SH3PXD2A: variants seen among roughly 807,000 people sequenced by gnomAD.
SH3PXD2A encodes the protein SH3 and PX domains 2A, also known as SH3 and PX domain-containing protein 2A.
A neutral mutation model predicts 115.2 loss-of-function variants in SH3PXD2A; 32 were observed. The ratio of observed to expected loss-of-function variants is 0.28; its 90% CI spans 0.21 to 0.37. SH3PXD2A has a LOEUF of 0.37. Ranked by LOEUF, SH3PXD2A falls within the 10% of genes least tolerant of loss-of-function variation. The pLI, the probability that SH3PXD2A is intolerant of heterozygous loss-of-function variation, is 1.00. For synonymous variants in SH3PXD2A, 610 were observed against 629.1 expected (o/e 0.97, Z 0.45); for missense variants, 1,328 against 1,498.7 (o/e 0.89, Z 1.88).
chr10:103,707,218 A>T (rs1445094375), intron 5 of SH3PXD2A, among the ~76,000 whole-genome samples: 40 of 147,436 alleles, frequency 2.7e-4, no homozygotes, highest in Non-Finnish European at 5.1e-4. Context: ...TTTTTTTGAG[A>T]TGGAGTCTAG....
intron 1 of SH3PXD2A, among the ~76,000 whole-genome samples, chr10:103,816,997 A>AT (rs56260224): frequency 0.53 from 52,593 of 99,594 alleles, 14,547 homozygotes; most frequent in East Asian, 0.75. Context: ...CACCCGGCTA[A>AT]TTTTTTTTTT....
intron 5 of SH3PXD2A, among the ~76,000 whole-genome samples, chr10:103,704,544 G>A (rs1564868970): frequency 6.6e-6 from 1 of 152,198 alleles, no homozygotes; most frequent in African/African-American, 2.4e-5. Context: ...CCCCAGAGGC[G>A]ACAGGAGTGA....
At chr10:103,840,503 A>G (rs2134316377) in intron 1 of SH3PXD2A, among the ~76,000 whole-genome samples, 1 of 152,312 alleles carries the variant, frequency 6.6e-6, no homozygotes, top group Middle Eastern at 3.4e-3. Flanking sequence ...TCACCCTGAC[A>G]CTTGTTAACA....
At chr10:103,669,328 T>A (rs1214950639) in intron 6 of SH3PXD2A, among the ~76,000 whole-genome samples, 1 of 152,180 alleles carries the variant, frequency 6.6e-6, no homozygotes, top group Non-Finnish European at 1.5e-5. Context: ...CAGACAGTGG[T>A]GTCCAATCTG....
chr10:103,780,921 A>G (rs2038926187), intron 2 of SH3PXD2A, among the ~76,000 whole-genome samples: 2 of 151,676 alleles, frequency 1.3e-5, no homozygotes, highest in Non-Finnish European at 2.9e-5. Context: ...CCTATTCATG[A>G]CCTCTGCTCA....
chr10:103,611,820 C>A (rs1472386447), intron 12 of SH3PXD2A, among the ~76,000 whole-genome samples, 190 bp from the exon 13 acceptor site: 5 of 152,188 alleles, frequency 3.3e-5, no homozygotes, highest in African/African-American at 1.2e-4. Context: ...AAACTATAGA[C>A]CTTTACCTTG....
chr10:103,711,604 G>A (rs927228553), intron 5 of SH3PXD2A, among the ~76,000 whole-genome samples: 10 of 152,214 alleles, frequency 6.6e-5, no homozygotes, highest in South Asian at 2.1e-4. Context: ...CAAGGGCAGC[G>A]TAGCAGCTGG....
At chr10:103,830,961 C>T (rs188402114) in intron 1 of SH3PXD2A, among the ~76,000 whole-genome samples, 8 of 152,290 alleles carry the variant, frequency 5.3e-5, no homozygotes, top group African/African-American at 1.9e-4. Context: ...GATGAATTTC[C>T]CCAGTTGGTC....
intron 5 of SH3PXD2A, among the ~76,000 whole-genome samples, chr10:103,714,410 A>G (rs536210377): frequency 6.6e-6 from 1 of 152,312 alleles, no homozygotes; most frequent in South Asian, 2.1e-4. Context: ...CCAGGCCTGA[A>G]AACAGAGTCA....
In SH3PXD2A at chr10:103,602,232, C is replaced by T. The variant is rs373175288; in HGVS notation, c.2986G>A (p.Ala996Thr). The change falls in exon 15 of 15, where the codon GCC (alanine) becomes ACC (threonine). Residue 996 changes from alanine (A) to threonine (T), a missense_variant. Transcript: ENST00000369774. Reference sequence around the variant, plus strand: ...GTGAGTGACTCATTCCTCCGCAGGGCGCAGGACAGGTTGTTGTCCTTGGGT... The same window carrying T: ...GTGAGTGACTCATTCCTCCGCAGGGTGCAGGACAGGTTGTTGTCCTTGGGT... ...PPPKDNNLSC[A>T]LRRNESLTAT... The T allele has an allele frequency of 3.0e-5, 48 of 1,605,768 alleles. No homozygotes were observed. Among genetic ancestry groups the T allele is most frequent in the African/African-American group, 2.3e-4 (17 of 74,874 alleles).
intron 6 of SH3PXD2A, among the ~76,000 whole-genome samples, chr10:103,680,769 A>T (rs1341139182): frequency 6.6e-6 from 1 of 152,238 alleles, no homozygotes; most frequent in East Asian, 1.9e-4. Context: ...ATTTTCCTGT[A>T]AACTTCTAAG....
intron 5 of SH3PXD2A, among the ~76,000 whole-genome samples, chr10:103,722,163 G>A (rs930666239): frequency 6.6e-6 from 1 of 151,938 alleles, no homozygotes; most frequent in Non-Finnish European, 1.5e-5. Context: ...AATTAGCCAG[G>A]TATGGTAGCA....
At position 103,718,739 on chromosome 10, in the gene SH3PXD2A, CCCCT is replaced by C. The variant is rs368137038; in HGVS notation, c.398+5527_398+5530del. ...AACACTCTTCCTTTCCCTTTCTGCT[CCCCT>C]CCCTCCCCCCAATCAGGACACACAC... is the stretch of plus-strand genomic sequence containing the variant. On this transcript the variant is annotated intron_variant, in intron 5 of 14. Coordinates refer to ENST00000369774, the MANE Select transcript of SH3PXD2A (RefSeq NM_001394015.1). Among the ~76,000 whole-genome samples, 1,039 of 150,296 alleles carry C rather than the reference CCCCT, an allele frequency of 6.9e-3. 9 individuals are homozygous for C. The highest frequency in any genetic ancestry group is 0.022 in the African/African-American group (873 of 40,600).
intron 2 of SH3PXD2A, among the ~76,000 whole-genome samples, chr10:103,777,181 C>G (rs900253735): frequency 2.0e-5 from 3 of 152,240 alleles, no homozygotes; most frequent in Non-Finnish European, 2.9e-5. Flanking sequence ...AGGTAAAGTG[C>G]TTGGCACAGA....
At chr10:103,751,367 C>T (rs2038577820) in intron 3 of SH3PXD2A, among the ~76,000 whole-genome samples, 1 of 152,140 alleles carries the variant, frequency 6.6e-6, no homozygotes, top group Non-Finnish European at 1.5e-5. Flanking sequence ...CTACTATGTG[C>T]CAGACACTAT....
At chr10:103,682,761 A>C (rs1472549109) in intron 6 of SH3PXD2A, among the ~76,000 whole-genome samples, 1 of 151,882 alleles carries the variant, frequency 6.6e-6, no homozygotes, top group East Asian at 1.9e-4. Context: ...CGTCTCAAAA[A>C]AAAAAAAAAC....
intron 1 of SH3PXD2A, among the ~76,000 whole-genome samples, chr10:103,840,693 G>A (rs190758940): frequency 1.4e-4 from 22 of 152,340 alleles, no homozygotes; most frequent in African/African-American, 5.3e-4. Context: ...ATTGGTAAAT[G>A]CATCTCATGC....
intron 5 of SH3PXD2A, among the ~76,000 whole-genome samples, chr10:103,706,385 G>C (rs528219897): frequency 1.3e-5 from 2 of 152,308 alleles, no homozygotes; most frequent in South Asian, 4.1e-4. Context: ...TTAAGTTCTG[G>C]GGGCAGTGAT....
chr10:103,608,430 G>GAAAAA (rs953168200), intron 13 of SH3PXD2A, among the ~76,000 whole-genome samples: 47 of 84,986 alleles, frequency 5.5e-4, no homozygotes, highest in Non-Finnish European at 6.4e-4. Flanking sequence ...TCCATGTCAA[G>GAAAAA]AAAAAAAAAA....
Sources: gnomAD v4.1 joint callset for allele counts (sites outside exome capture counted in the v4.1 genomes callset) on GRCh38, gnomAD v4.1.1 for gene constraint, MANE v1.5 for transcripts, NCBI Gene and HGNC (gene_info 2026-07-23, HGNC 2026-07-21) for gene names.